Variants in CYP51A1 observed in about 807,000 individuals in gnomAD.
CYP51A1 encodes the protein cytochrome P450 family 51 subfamily A member 1.
Under a neutral mutation model 53.5 loss-of-function variants are expected in CYP51A1, and 45 were observed. The ratio of observed to expected loss-of-function variants is 0.84; its 90% CI spans 0.66 to 1.08. The LOEUF (loss-of-function observed/expected upper bound fraction) is 1.08, where lower values mean the gene tolerates loss of function less well. Among genes scored for constraint, CYP51A1 ranks in the 50% least tolerant of loss-of-function variants. The pLI is 0.00. For missense variants in CYP51A1, 462 were observed against 621.7 expected (o/e 0.74, Z 2.73); for synonymous variants, 181 against 217.7 (o/e 0.83, Z 1.48).
chr7:92,114,856 T>A (rs1399881154), intron 9 of CYP51A1, among the ~76,000 whole-genome samples: 1 of 152,232 alleles, frequency 6.6e-6, no homozygotes. Flanking sequence ...TTTGGGCATT[T>A]CATTGCAAGA....
intron 3 of CYP51A1, among the ~76,000 whole-genome samples, chr7:92,128,540 G>T (rs1404275531): frequency 6.6e-6 from 1 of 151,896 alleles, no homozygotes; most frequent in African/African-American, 2.4e-5. Context: ...CTAAAGTGCA[G>T]TGTTGTGATC....
intron 5 of CYP51A1, among the ~76,000 whole-genome samples, chr7:92,124,684 G>A (rs532799453): frequency 3.3e-5 from 5 of 152,298 alleles, no homozygotes; most frequent in African/African-American, 1.2e-4. Context: ...GAATACAGTC[G>A]AACCAGGAAA....
rs747236142 is a variant in CYP51A1 at position 92,134,311 on chromosome 7, C to G, written c.54G>C (p.Ser18=). ...CCTTCTCCATCGCCTGGCCCAGCAC[C>G]GACCCACCCGCCTGCAGCAAGCCCA... ...LLLGLLQAGG[S]VLGQAMEKVT... Residue 18 remains serine, a synonymous_variant, in exon 1 of 10, where the codon TCG becomes TCC. Coordinates refer to ENST00000003100, the MANE Select transcript of CYP51A1 (RefSeq NM_000786.4). The G allele has an allele frequency of 1.2e-6, 2 of 1,600,726 alleles. No homozygotes were observed. The highest frequency in any genetic ancestry group is 8.5e-7 in the Non-Finnish European group (1 of 1,171,436).
chr7:92,123,175 T>C lies in CYP51A1; in HGVS notation c.1031A>G (p.Tyr344Cys). ...ARDKTLQKKC[Y>C]LEQKTVCGEN... Reference sequence around the variant, plus strand: ...TCCACAGACTGTTTTCTGTTCTAAATAACATTTTTTTTGAAGTGTTTTGTC... The same window carrying C: ...TCCACAGACTGTTTTCTGTTCTAAACAACATTTTTTTTGAAGTGTTTTGTC... The change falls in exon 7 of 10, where the codon TAT (tyrosine) becomes TGT (cysteine). Residue 344 changes from tyrosine (Y) to cysteine (C), a missense_variant. Physicochemically the swap from Tyr to Cys is radical, Grantham distance 194. Transcript: ENST00000003100. The C allele has an allele frequency of 6.2e-7, 1 of 1,613,938 alleles. No homozygotes were observed. The highest frequency in any genetic ancestry group is 1.1e-5 in the South Asian group (1 of 91,072).
intron 9 of CYP51A1, among the ~76,000 whole-genome samples, chr7:92,115,601 T>A (rs2130941053): frequency 6.6e-6 from 1 of 152,290 alleles, no homozygotes; most frequent in African/African-American, 2.4e-5. Context: ...TGTGATAGAA[T>A]ATATTTCTAT....
Position 92,134,270 on chromosome 7 carries a change from A to T in CYP51A1, c.95T>A (p.Leu32His), listed in dbSNP as rs1563183392. Reference sequence around the variant, plus strand: ...GCAGGCGATCAGCAGCATGGACAAGAGGTTGCCGCCTGTCACCTTCTCCAT... The same window carrying T: ...GCAGGCGATCAGCAGCATGGACAAGTGGTTGCCGCCTGTCACCTTCTCCAT... Reference protein sequence around the residue: ...QAMEKVTGGNLLSMLLIACAF... With the variant: ...QAMEKVTGGNHLSMLLIACAF... Residue 32 changes from leucine to histidine, a missense_variant, in exon 1 of 10, where the codon CTC becomes CAC. Transcript: ENST00000003100. The T allele has an allele frequency of 6.2e-7, 1 of 1,613,050 alleles. No individual in the cohort carries two copies. The highest frequency in any genetic ancestry group is 1.3e-5 in the African/African-American group (1 of 75,004).
rs1819510535 is a variant in CYP51A1 at position 92,113,495 on chromosome 7, T to C, written c.*170A>G. On this transcript the variant is annotated 3_prime_UTR_variant, in exon 10 of 10. Coordinates refer to ENST00000003100, the MANE Select transcript of CYP51A1 (RefSeq NM_000786.4). ...TTAGAAAATGTTTCAAATGCTATTA[T>C]ATTTGATAGAACCATTCAGTTAACA... 3.4e-6 allele frequency: 2 copies of C among 588,922 alleles called. No homozygotes were observed. Among genetic ancestry groups the C allele is most frequent in the East Asian group, 3.1e-5 (1 of 32,414 alleles). 36.5% of individuals were successfully genotyped at this position (588,922 alleles called of 1,614,324 possible).
Position 92,126,444 on chromosome 7 carries a change from G to C in CYP51A1, c.596-17C>G, listed in dbSNP as rs546653212. The C allele has an allele frequency of 1.5e-4, 237 of 1,568,898 alleles. 3 individuals carry two copies. In the South Asian group the frequency reaches 2.6e-3, roughly 17 times the overall value. ...CAAACACATCTAGGGAGAAAAAAAA[G>C]ATTATTCTCATTACTATTTCCAAAA... On this transcript the variant is annotated splice_polypyrimidine_tract_variant and intron_variant, in intron 4 of 9. Coordinates refer to ENST00000003100, the MANE Select transcript of CYP51A1 (RefSeq NM_000786.4).
Position 92,134,419 on chromosome 7 carries a change from G to A in CYP51A1, c.-55C>T, listed in dbSNP as rs979384475. The A allele has an allele frequency of 3.4e-6, 5 of 1,480,504 alleles. No homozygotes were observed. The South Asian group carries it at 5.3e-5, about 16-fold the overall frequency. The allele number at this position is 1,480,504 out of a possible 1,614,324, so 91.7% of individuals were successfully genotyped here. On this transcript the variant is annotated 5_prime_UTR_variant, in exon 1 of 10. Coordinates refer to ENST00000003100, the MANE Select transcript of CYP51A1 (RefSeq NM_000786.4). ...GTCGCCACCGCTCCTCCCAATCGAC[G>A]GAACGAGAGAAGCTGGCAGATGGTC...
chr7:92,116,785 T>G, intron 9 of CYP51A1, among the ~76,000 whole-genome samples: 1 of 152,238 alleles, frequency 6.6e-6, no homozygotes. Context: ...AACAAGGATG[T>G]TCTATAAAAA....
chr7:92,133,805 A>G (rs1028289835), intron 1 of CYP51A1, among the ~76,000 whole-genome samples: 1 of 152,064 alleles, frequency 6.6e-6, no homozygotes, highest in African/African-American at 2.4e-5. Context: ...GTTCAAACCC[A>G]CAGCCGCCAA....
intron 4 of CYP51A1, 103 bp from the exon 5 acceptor site, chr7:92,126,530 C>A (rs2130952386): frequency 1.9e-6 from 2 of 1,036,054 alleles, no homozygotes; most frequent in Non-Finnish European, 2.7e-6. Context: ...CTATTCATAT[C>A]ATCAAAAAAA....
At chr7:92,125,332 C>T (rs1249907005) in intron 5 of CYP51A1, among the ~76,000 whole-genome samples, 2 of 152,134 alleles carry the variant, frequency 1.3e-5, no homozygotes, top group East Asian at 3.9e-4. Flanking sequence ...TTTACTCCCA[C>T]CCCTCTTCCA....
intron 1 of CYP51A1, among the ~76,000 whole-genome samples, chr7:92,133,784 A>G (rs1455140743): frequency 6.6e-6 from 1 of 151,932 alleles, no homozygotes; most frequent in Non-Finnish European, 1.5e-5. Flanking sequence ...GGCCCCAACG[A>G]CCACCGGGTC....
chr7:92,128,455 T>TGTGTGTGTGTGC lies in CYP51A1; in HGVS notation c.468+424_468+425insGCACACACACAC, dbSNP rs759739146. On this transcript the variant is annotated intron_variant, in intron 3 of 9. Coordinates refer to ENST00000003100, the MANE Select transcript of CYP51A1 (RefSeq NM_000786.4). The stretch of plus-strand genomic sequence containing the variant: ...GTGTGTGTGTGTGTGTGTGTGTGTG[T>TGTGTGTGTGTGC]GCGCGTGCGTGTGTGTGTGTGTGTT... 8.8e-5 allele frequency among the ~76,000 whole-genome samples: 9 copies of TGTGTGTGTGTGC among 102,044 alleles called. No individual in the cohort carries two copies. In the South Asian group the frequency reaches 1.5e-3, roughly 17 times the overall value. 66.9% of individuals were successfully genotyped at this position (102,044 alleles called of 152,430 possible).
At position 92,113,841 on chromosome 7, in the gene CYP51A1, G is replaced by T. The variant is rs779786966; in HGVS notation, c.1354C>A (p.Arg452Ser). The T allele has an allele frequency of 6.3e-7, 1 of 1,574,892 alleles. No homozygotes were observed. The highest frequency in any genetic ancestry group is 1.2e-5 in the South Asian group (1 of 85,066). Reference protein sequence around the residue: ...KFAYVPFGAGRHRCIGENFAY... With the variant: ...KFAYVPFGAGSHRCIGENFAY... The stretch of plus-strand genomic sequence containing the variant: ...AAATTTTCCCCAATACAACGATGAC[G>T]CCCTAAAAAAAAGAAAAAGTTATAA... Residue 452 changes from arginine (R) to serine (S), a missense_variant and splice_region_variant, in exon 10 of 10, where the codon CGT becomes AGT. By Grantham distance (110) the Arg-to-Ser change is moderately radical. Transcript: ENST00000003100.
intron 7 of CYP51A1, among the ~76,000 whole-genome samples, chr7:92,121,151 G>A (rs551770534): frequency 5.3e-5 from 8 of 152,090 alleles, no homozygotes; most frequent in South Asian, 4.2e-4. Context: ...TTAGCCAGGC[G>A]TGGTGGTGTG....
chr7:92,127,732 A>G, intron 3 of CYP51A1, 101 bp from the exon 4 acceptor site: 1 of 1,205,374 alleles, frequency 8.3e-7, no homozygotes, highest in South Asian at 1.3e-5. Flanking sequence ...TAACACAAGT[A>G]ATGGTTTTAA....
chr7:92,113,643 T>C lies in CYP51A1; in HGVS notation c.*22A>G, dbSNP rs1199901706. 2.5e-6 allele frequency: 4 copies of C among 1,608,254 alleles called. No individual in the cohort carries two copies. The highest frequency in any genetic ancestry group is 1.1e-5 in the South Asian group (1 of 90,808). On this transcript the variant is annotated 3_prime_UTR_variant, in exon 10 of 10. Coordinates refer to ENST00000003100, the MANE Select transcript of CYP51A1 (RefSeq NM_000786.4). ...TGTGGCTTACAGTGATAATCACATA[T>C]ATTCGTTCCTTGCAACCTTTTTCAT... is the stretch of plus-strand genomic sequence containing the variant.
Sources: allele counts gnomAD v4.1 joint callset (sites outside exome capture counted in the v4.1 genomes callset), GRCh38; gene constraint gnomAD v4.1.1; transcripts MANE v1.5; gene names NCBI Gene and HGNC (gene_info 2026-07-23, HGNC 2026-07-21).